DOCK5: variants seen among roughly 807,000 people sequenced by gnomAD.
The protein encoded by DOCK5 is dedicator of cytokinesis protein 5.
DOCK5 carries 142 observed loss-of-function variants against 251.8 expected under a neutral mutation model. That is an observed-to-expected ratio of 0.56 (90% confidence interval 0.49 to 0.65). DOCK5 has a LOEUF of 0.65. Among genes scored for constraint, DOCK5 ranks in the 30% least tolerant of loss-of-function variants. The probability of loss-of-function intolerance (pLI) is 0.00; values close to 1 mark genes in which losing one functional copy is unlikely to be tolerated. For synonymous variants in DOCK5, 842 were observed against 835.5 expected (o/e 1.01, Z -0.13); for missense variants, 2,111 against 2,312.3 (o/e 0.91, Z 1.79).
At chr8:25,273,067 G>GGCGCAT (rs141092224) in intron 3 of DOCK5, among the ~76,000 whole-genome samples, 1 of 105,528 alleles carries the variant, frequency 9.5e-6, no homozygotes, top group African/African-American at 4.1e-5. Flanking sequence ...ATCATTTGCC[G>GGCGCAT]TGGCGCAGTG....
Position 25,410,196 on chromosome 8 carries a change from C to T in DOCK5, c.5502C>T (p.Ser1834=), listed in dbSNP as rs765215047. ...CCTATGAAGGCAGCCAGAGGAACTC[C>T]ACTGAGGTAGGGAAATCACAGCTGG... ...SKPYEGSQRN[S]TELAPPLPVR... The change falls in exon 51 of 52, where the codon TCC becomes TCT. Residue 1834 remains serine, a synonymous_variant. Transcript: ENST00000276440. 6.2e-7 allele frequency: 1 copy of T among 1,613,264 alleles called. No individual in the cohort carries two copies. Among genetic ancestry groups the T allele is most frequent in the South Asian group, 1.1e-5 (1 of 90,952 alleles).
intron 17 of DOCK5, among the ~76,000 whole-genome samples, chr8:25,325,146 C>G (rs756552747): frequency 2.2e-4 from 34 of 152,116 alleles, no homozygotes; most frequent in Non-Finnish European, 4.1e-4. Flanking sequence ...ATTCTGGTTT[C>G]TAGTTCACAA....
At chr8:25,298,861 C>A in intron 7 of DOCK5, 83 bp from the exon 8 acceptor site, 1 of 1,390,904 alleles carries the variant, frequency 7.2e-7, no homozygotes, top group Non-Finnish European at 9.6e-7. Context: ...CATTTGCAGG[C>A]TTATTTATTT....
At chr8:25,319,506 G>C in intron 14 of DOCK5, 72 bp from the exon 15 acceptor site, 1 of 1,026,358 alleles carries the variant, frequency 9.7e-7, no homozygotes, top group Non-Finnish European at 1.5e-6. Context: ...AGGGGCTTGT[G>C]CATGGTATAT....
intron 30 of DOCK5, among the ~76,000 whole-genome samples, chr8:25,365,099 G>A (rs1800753138): frequency 6.6e-6 from 1 of 152,248 alleles, no homozygotes; most frequent in Non-Finnish European, 1.5e-5. Context: ...CTAAAGAACA[G>A]TTCTTATGCA....
At chr8:25,228,083 C>T (rs958480445) in intron 1 of DOCK5, among the ~76,000 whole-genome samples, 2 of 152,106 alleles carry the variant, frequency 1.3e-5, no homozygotes, top group Non-Finnish European at 2.9e-5. Context: ...TGCCCTGTTG[C>T]TCAGGCTGGT....
In DOCK5 at chr8:25,334,114, A is replaced by G. The variant is rs766884675; in HGVS notation, c.2110A>G (p.Ile704Val). The G allele has an allele frequency of 1.2e-5, 20 of 1,613,632 alleles. No individual in the cohort carries two copies. The Admixed American group carries it at 3.2e-4, about 26-fold the overall frequency. The change falls in exon 21 of 52, where the codon ATA becomes GTA. Residue 704 changes from isoleucine (I) to valine (V), a missense_variant. Around this residue, in one of 3 missense-constraint regions of DOCK5, gnomAD observed 1,717 missense variants for 1,892.4 expected, o/e 0.91. Coordinates refer to ENST00000276440, the MANE Select transcript of DOCK5 (RefSeq NM_024940.8). ...FDALVFIISLIGDIKFQHFNP... is the reference protein window; with the variant it reads ...FDALVFIISLVGDIKFQHFNP... ...TTGGCAGGTATTTATTATTTCACTGATAGGAGACATCAAGTTCCAGCATTT... is the reference window on the plus strand; with the variant it reads ...TTGGCAGGTATTTATTATTTCACTGGTAGGAGACATCAAGTTCCAGCATTT...
intron 36 of DOCK5, among the ~76,000 whole-genome samples, chr8:25,374,117 G>C (rs1385917829): frequency 6.6e-6 from 1 of 152,154 alleles, no homozygotes; most frequent in Non-Finnish European, 1.5e-5. Flanking sequence ...AGAAAGAAGA[G>C]AAACTAGTCT....
chr8:25,363,188 AG>A (rs760818731), intron 29 of DOCK5, 47 bp downstream of exon 29: 2 of 1,504,630 alleles, frequency 1.3e-6, no homozygotes, highest in Non-Finnish European at 1.8e-6. Context: ...TGAATACCTA[AG>A]GCTGCTGTGT....
At chr8:25,366,306 C>A (rs758731731) in intron 30 of DOCK5, among the ~76,000 whole-genome samples, 5 of 152,144 alleles carry the variant, frequency 3.3e-5, no homozygotes, top group Non-Finnish European at 7.3e-5. Flanking sequence ...GCCTGGCCAA[C>A]ATGGCGAAAC....
At chr8:25,239,204 G>T (rs1459186149) in intron 1 of DOCK5, among the ~76,000 whole-genome samples, 2 of 152,124 alleles carry the variant, frequency 1.3e-5, no homozygotes, top group Non-Finnish European at 2.9e-5. Context: ...CTGGAATTTC[G>T]CAGATAGTGG....
chr8:25,381,089 A>G (rs1356054506), intron 39 of DOCK5, among the ~76,000 whole-genome samples: 1 of 151,340 alleles, frequency 6.6e-6, no homozygotes. Context: ...AATGCCCAAT[A>G]GAAGGCAGCC....
At chr8:25,373,721 A>T in intron 36 of DOCK5, 63 bp downstream of exon 36, 1 of 1,473,624 alleles carries the variant, frequency 6.8e-7, no homozygotes, top group South Asian at 1.3e-5. Flanking sequence ...TGATTTCTTC[A>T]GTAAACAAAT....
intron 1 of DOCK5, among the ~76,000 whole-genome samples, chr8:25,195,633 G>A (rs1290442638): frequency 1.3e-5 from 2 of 152,150 alleles, no homozygotes; most frequent in African/African-American, 4.8e-5. Flanking sequence ...TATGGAATGT[G>A]TTTCCCTAGA....
At chr8:25,372,838 G>C in intron 35 of DOCK5, 120 bp downstream of exon 35, 1 of 956,448 alleles carries the variant, frequency 1.0e-6, no homozygotes, top group African/African-American at 1.7e-5. Context: ...TTGTGGAGCC[G>C]GTGTCTTCCT....
At chr8:25,208,835 G>A (rs915135281) in intron 1 of DOCK5, among the ~76,000 whole-genome samples, 7 of 152,096 alleles carry the variant, frequency 4.6e-5, no homozygotes, top group Non-Finnish European at 8.8e-5. Context: ...TTCTGATTGA[G>A]GTTAAAATAT....
chr8:25,321,340 C>T (rs1805419513), intron 16 of DOCK5, among the ~76,000 whole-genome samples: 1 of 152,152 alleles, frequency 6.6e-6, no homozygotes, highest in African/African-American at 2.4e-5. Flanking sequence ...TTTGTGAAAG[C>T]CAGTTTTTCC....
chr8:25,316,402 G>C (rs1805252338), intron 13 of DOCK5, among the ~76,000 whole-genome samples: 2 of 152,084 alleles, frequency 1.3e-5, no homozygotes, highest in Non-Finnish European at 2.9e-5. Context: ...AATCACTTGA[G>C]CCCAAGAGGC....
chr8:25,210,070 ATCTG>A (rs200131416), intron 1 of DOCK5, among the ~76,000 whole-genome samples: 6,387 of 28,778 alleles, frequency 0.22, 2,435 homozygotes, highest in Admixed American at 0.3. Context: ...GTGTGTGTGT[ATCTG>A]TCTATTTATC....
Sources: gnomAD v4.1 joint callset for allele counts (sites outside exome capture counted in the v4.1 genomes callset) on GRCh38, gnomAD v4.1.1 for gene constraint, gnomAD v4.1.1 regional missense constraint, MANE v1.5 for transcripts, NCBI Gene and HGNC (gene_info 2026-07-23, HGNC 2026-07-21) for gene names.